SLC5A9: variants seen among roughly 807,000 people sequenced by gnomAD.
SLC5A9 encodes the protein sodium/glucose cotransporter 4.
In SLC5A9, 59 loss-of-function variants were observed where a neutral mutation model predicts 70.9. The observed-to-expected ratio is 0.83, with a 90% CI of 0.68 to 1.03. The LOEUF (loss-of-function observed/expected upper bound fraction) is 1.03. Ranked by LOEUF, SLC5A9 falls within the 50% of genes least tolerant of loss-of-function variation. SLC5A9 has a pLI of 0.00. For synonymous variants in SLC5A9, 340 were observed against 346.5 expected, an observed-to-expected ratio of 0.98 and a Z score of 0.21; for missense variants, 832 against 881.1, an observed-to-expected ratio of 0.94 and a Z score of 0.71.
At chr1:48,223,931 A>G (rs1644106671) in intron 1 of SLC5A9, among the ~76,000 whole-genome samples, 1 of 152,218 alleles carries the variant, frequency 6.6e-6, no homozygotes, top group Non-Finnish European at 1.5e-5. Flanking sequence ...TATGGCCTCC[A>G]AGAGGATCAG....
At chr1:48,229,518 G>A in intron 4 of SLC5A9, 59 bp downstream of exon 4, 1 of 1,591,546 alleles carries the variant, frequency 6.3e-7, no homozygotes, top group Admixed American at 1.7e-5. Context: ...GAACTGCTGA[G>A]TGCATCACCA....
chr1:48,234,799 G>T (rs901335957), intron 9 of SLC5A9, among the ~76,000 whole-genome samples: 1 of 152,108 alleles, frequency 6.6e-6, no homozygotes, highest in African/African-American at 2.4e-5. Flanking sequence ...CTGCCCTGAG[G>T]GGCAGGTTGG....
rs61997212 is a variant in SLC5A9 at position 48,232,079 on chromosome 1, C to A, written c.825C>A (p.Ser275Arg). 1 of 1,614,084 alleles carries A rather than the reference C, an allele frequency of 6.2e-7. No individual in the cohort carries two copies. The highest frequency in any genetic ancestry group is 8.5e-7 in the Non-Finnish European group (1 of 1,179,968). Residue 275 changes from serine (S) to arginine (R), a missense_variant, in exon 7 of 14, where the codon AGC becomes AGA. Coordinates refer to ENST00000438567, the MANE Select transcript of SLC5A9 (RefSeq NM_001011547.3). The stretch of plus-strand genomic sequence containing the variant: ...TCCACATTCTTCGGGACCCTGTGAG[C>A]GGGGACATCCCTTGGCCAGGTCTCA... ...DAFHILRDPV[S>R]GDIPWPGLIF... is the part of the protein sequence containing the mutation.
chr1:48,246,179 A>C (rs902127438), intron 13 of SLC5A9, among the ~76,000 whole-genome samples: 4 of 152,122 alleles, frequency 2.6e-5, no homozygotes, highest in African/African-American at 4.8e-5. Context: ...GAAGGTTGCC[A>C]AGGGAATCAA....
rs1037754276 is a variant in SLC5A9 at position 48,230,710 on chromosome 1, G to A, written c.610+5G>A. On this transcript the variant is annotated splice_donor_5th_base_variant and intron_variant, in intron 5 of 13. Coordinates refer to ENST00000438567, the MANE Select transcript of SLC5A9 (RefSeq NM_001011547.3). ...CTGCCGTCTACACCATTGCAGGTAGGCAGAGGGAAGAGGGCAAGAGGAAAG... is the reference window on the plus strand; with the variant it reads ...CTGCCGTCTACACCATTGCAGGTAGACAGAGGGAAGAGGGCAAGAGGAAAG... 1.9e-6 allele frequency: 3 copies of A among 1,608,418 alleles called. No individual in the cohort carries two copies. Among genetic ancestry groups the A allele is most frequent in the African/African-American group, 2.7e-5 (2 of 74,836 alleles).
At chr1:48,237,064 T>C (rs938758975) in intron 10 of SLC5A9, among the ~76,000 whole-genome samples, 1 of 152,138 alleles carries the variant, frequency 6.6e-6, no homozygotes, top group African/African-American at 2.4e-5. Flanking sequence ...ATATGTGTTA[T>C]TGCACCCAAC....
At chr1:48,234,438 G>A (rs571868194) in intron 9 of SLC5A9, among the ~76,000 whole-genome samples, 1 of 152,290 alleles carries the variant, frequency 6.6e-6, no homozygotes, top group East Asian at 1.9e-4. Context: ...GGACAACTCT[G>A]TACGAGGCAG....
chr1:48,240,124 G>A (rs1013818290), intron 12 of SLC5A9, among the ~76,000 whole-genome samples: 7 of 152,334 alleles, frequency 4.6e-5, no homozygotes, highest in African/African-American at 1.4e-4. Flanking sequence ...AAAGACCACC[G>A]ATTGGGTGAC....
chr1:48,233,090 T>C (rs1435450194), intron 8 of SLC5A9, among the ~76,000 whole-genome samples: 11 of 151,588 alleles, frequency 7.3e-5, no homozygotes, highest in Admixed American at 7.2e-4. Flanking sequence ...AGGCCAGGCA[T>C]GGTGGCTCAC....
Position 48,247,350 on chromosome 1 carries a change from G to A in SLC5A9, c.1853G>A (p.Trp618Ter). The A allele has an allele frequency of 6.2e-7, 1 of 1,613,996 alleles. No individual in the cohort carries two copies. The highest frequency in any genetic ancestry group is 1.1e-5 in the South Asian group (1 of 91,080). Reference sequence around the variant, plus strand: ...GTCCCTCCAGCCCCAAGCAGGTCCTGGGGAAAGTTGCTCTGGAGCTGGTTC... The same window carrying A: ...GTCCCTCCAGCCCCAAGCAGGTCCTAGGGAAAGTTGCTCTGGAGCTGGTTC... The part of the protein sequence containing the change: ...QEQPEAPSRS[W>*]GKLLWSWFCG... Residue 618 changes from tryptophan (W) to a stop codon, truncating the protein, a stop_gained, in exon 14 of 14, where the codon TGG becomes TAG. Coordinates refer to ENST00000438567, the MANE Select transcript of SLC5A9 (RefSeq NM_001011547.3). LOFTEE classifies it low-confidence loss of function (END_TRUNC).
At chr1:48,232,927 A>C (rs1442354628) in intron 8 of SLC5A9, among the ~76,000 whole-genome samples, 1 of 148,562 alleles carries the variant, frequency 6.7e-6, no homozygotes, top group Non-Finnish European at 1.5e-5. Context: ...AAGAAAAAGA[A>C]AGAAAGAAAA....
In SLC5A9 at chr1:48,232,083, G is replaced by A; in HGVS notation, c.829G>A (p.Asp277Asn). 6.2e-7 allele frequency: 1 copy of A among 1,614,156 alleles called. No homozygotes were observed. The highest frequency in any genetic ancestry group is 8.5e-7 in the Non-Finnish European group (1 of 1,179,994). Reference sequence around the variant, plus strand: ...CATTCTTCGGGACCCTGTGAGCGGGGACATCCCTTGGCCAGGTCTCATTTT... The same window carrying A: ...CATTCTTCGGGACCCTGTGAGCGGGAACATCCCTTGGCCAGGTCTCATTTT... ...FHILRDPVSG[D>N]IPWPGLIFGL... is the part of the protein sequence containing the mutation. Residue 277 changes from aspartate (D) to asparagine (N), a missense_variant, in exon 7 of 14, where the codon GAC becomes AAC. Transcript: ENST00000438567.
At chr1:48,237,934 A>G in intron 11 of SLC5A9, 87 bp downstream of exon 11, 3 of 1,389,410 alleles carry the variant, frequency 2.2e-6, no homozygotes, top group Non-Finnish European at 2.9e-6. Flanking sequence ...ACCTTGAGAA[A>G]ATCCACTTCC....
At chr1:48,227,343 AGTGT>A (rs1235348578) in intron 2 of SLC5A9, among the ~76,000 whole-genome samples, 1 of 98,958 alleles carries the variant, frequency 1.0e-5, no homozygotes, top group African/African-American at 4.1e-5. Flanking sequence ...TGTGTGTCAG[AGTGT>A]GTGTGTACTG....
In SLC5A9 at chr1:48,242,481, CG is replaced by C; in HGVS notation, c.1704del (p.Asn569ThrfsTer69). 6.2e-7 allele frequency: 1 copy of C among 1,610,518 alleles called. No homozygotes were observed. The highest frequency in any genetic ancestry group is 1.1e-5 in the South Asian group (1 of 90,740). On this transcript the variant is annotated frameshift_variant, in exon 13 of 14. Transcript: ENST00000438567. LOFTEE classifies it high-confidence loss of function. The part of the protein sequence containing the change: ...EQLTRLTWWT[R>X]NCPLSELEKE... ...GCTCACACGCCTCACATGGTGGACT[CG>C]GAACTGCCCCCTCTCTGAGCTGGAG... is the stretch of plus-strand genomic sequence containing the variant.
At position 48,229,277 on chromosome 1, in the gene SLC5A9, T is replaced by C; in HGVS notation, c.340-18T>C. The C allele has an allele frequency of 6.2e-7, 1 of 1,614,082 alleles. No individual in the cohort carries two copies. Among genetic ancestry groups the C allele is most frequent in the Admixed American group, 1.7e-5 (1 of 60,020 alleles). On this transcript the variant is annotated intron_variant, in intron 3 of 13. Transcript: ENST00000438567. Reference sequence around the variant, plus strand: ...CATCCAGGACCTGGATACCTTCTTCTTCTCCCCACTCTCCCAGGCAACCTG... The same window carrying C: ...CATCCAGGACCTGGATACCTTCTTCCTCTCCCCACTCTCCCAGGCAACCTG...
chr1:48,227,149 ATGAG>A (rs1174154926), intron 2 of SLC5A9, among the ~76,000 whole-genome samples: 3 of 132,182 alleles, frequency 2.3e-5, no homozygotes, highest in African/African-American at 3.3e-5. Flanking sequence ...GTGCAAGTGC[ATGAG>A]TGTGTGTGTC....
intron 2 of SLC5A9, among the ~76,000 whole-genome samples, chr1:48,225,729 C>T (rs1429895856): frequency 6.6e-6 from 1 of 152,060 alleles, no homozygotes; most frequent in Non-Finnish European, 1.5e-5. Context: ...CTTGCAAACT[C>T]ATGCACACAA....
intron 13 of SLC5A9, among the ~76,000 whole-genome samples, chr1:48,245,537 G>T (rs891873843): frequency 1.3e-5 from 2 of 152,104 alleles, no homozygotes; most frequent in African/African-American, 4.8e-5. Flanking sequence ...GGGAAAGGCT[G>T]GTGCCATTAT....
Sources: allele counts gnomAD v4.1 joint callset (sites outside exome capture counted in the v4.1 genomes callset), GRCh38; gene constraint gnomAD v4.1.1; transcripts MANE v1.5; gene names NCBI Gene and HGNC (gene_info 2026-07-23, HGNC 2026-07-21).